The following ARHGEF1 variants were observed in gnomAD, a reference collection of about 807,000 sequenced individuals.
ARHGEF1 encodes 115 kDa guanine nucleotide exchange factor.
In ARHGEF1, 40 loss-of-function variants were observed where a neutral mutation model predicts 119.7. That is an observed-to-expected ratio of 0.33 (90% CI 0.26 to 0.44). ARHGEF1 has a LOEUF of 0.44. ARHGEF1 is among the 20% of genes least tolerant of loss of function. ARHGEF1 has a pLI of 1.00. For synonymous variants in ARHGEF1, 494 were observed against 521.0 expected, an observed-to-expected ratio of 0.95 and a Z score of 0.71; for missense variants, 976 against 1,268.3, an observed-to-expected ratio of 0.77 and a Z score of 3.50.
chr19:41,926,102 G>A (rs115026660), intron 1 of ARHGEF1, among the ~76,000 whole-genome samples: 3,503 of 152,114 alleles, frequency 0.023, 137 homozygotes, highest in African/African-American at 0.08. Flanking sequence ...GATGGCTCAC[G>A]TACAGGTAGG....
intron 1 of ARHGEF1, among the ~76,000 whole-genome samples, chr19:41,927,567 G>A (rs886261577): frequency 4.6e-4 from 69 of 151,638 alleles, no homozygotes; most frequent in Non-Finnish European, 8.8e-5. Flanking sequence ...TAGATCTTCC[G>A]CCCCAAGTGT....
At chr19:41,910,498 C>T (rs1189588154), downstream of ARHGEF1, among the ~76,000 whole-genome samples, 1 of 152,116 alleles carries the variant, frequency 6.6e-6, no homozygotes, top group Non-Finnish European at 1.5e-5. This position sits in a 1 kb window ranked among gnomAD's most constrained non-coding sequence, Gnocchi z 4.4. Context: ...GTCTCTTGTA[C>T]CCTGCGGTGC....
chr19:41,896,663 G>T (rs1555847717), intron 13 of ARHGEF1, 181 bp downstream of exon 13: 1 of 703,586 alleles, frequency 1.4e-6, no homozygotes, highest in East Asian at 2.7e-5. Flanking sequence ...TCTCCCTCCT[G>T]CTTCCTCATT....
chr19:41,887,403 C>T (rs1197576105), intron 1 of ARHGEF1, among the ~76,000 whole-genome samples: 2 of 152,118 alleles, frequency 1.3e-5, no homozygotes, highest in Non-Finnish European at 2.9e-5. Context: ...TCTGAGGCCC[C>T]ATCACTTGGT....
In ARHGEF1 at chr19:41,883,863, G is replaced by A. The variant is rs1254789786; in HGVS notation, c.-20+574G>A. On this transcript the variant is annotated intron_variant, in intron 1 of 28. Coordinates refer to ENST00000354532, the MANE Select transcript of ARHGEF1 (RefSeq NM_004706.4). The surrounding 1 kb of genome is among the most constrained non-coding windows in gnomAD (Gnocchi z 7.6). ...AGACAGGTGTAGGGAGAGAGCTGGA[G>A]GCCTTCTCCCATTGTACGGATGGGA... is the stretch of plus-strand genomic sequence containing the variant. 1.3e-5 allele frequency among the ~76,000 whole-genome samples: 2 copies of A among 152,052 alleles called. No homozygotes were observed. The highest frequency in any genetic ancestry group is 2.9e-5 in the Non-Finnish European group (2 of 67,992).
In ARHGEF1 at chr19:41,903,201, C is replaced by A; in HGVS notation, c.1739-106C>A. The A allele has an allele frequency of 9.9e-7, 1 of 1,009,378 alleles. No homozygotes were observed. Among genetic ancestry groups the A allele is most frequent in the African/African-American group, 1.6e-5 (1 of 62,678 alleles). The allele number at this position is 1,009,378 out of a possible 1,614,324, so 62.5% of individuals were successfully genotyped here. A position where few individuals can be genotyped will look rare whatever the true frequency, so the allele number is the denominator to read the frequency against. ...CCTCCCAAAGTGCTTGGATTACAGG[C>A]GTGAGCCACCATGCCCGGCCAGCTG... is the stretch of plus-strand genomic sequence containing the variant. On this transcript the variant is annotated intron_variant, in intron 18 of 28. Coordinates refer to ENST00000354532, the MANE Select transcript of ARHGEF1 (RefSeq NM_004706.4). The surrounding 1 kb of genome is among the most constrained non-coding windows in gnomAD (Gnocchi z 4.2).
At chr19:41,921,844 G>C (rs1019298851), upstream of ARHGEF1, among the ~76,000 whole-genome samples, 1 of 151,822 alleles carries the variant, frequency 6.6e-6, no homozygotes, top group African/African-American at 2.4e-5. The surrounding 1 kb of genome is among the most constrained non-coding windows in gnomAD (Gnocchi z 4.4). Flanking sequence ...TCCCCTGGGA[G>C]TCCGACCCAT....
At position 41,907,360 on chromosome 19, in the gene ARHGEF1, G is replaced by A. The variant is rs1188103054; in HGVS notation, c.*273G>A. On this transcript the variant is annotated 3_prime_UTR_variant, in exon 29 of 29. Transcript: ENST00000354532. ...GGGCCATCTCAGTATTGCCTGTGGG[G>A]GCCACCCCTCCACCCCCACCCCCAA... 8.5e-6 allele frequency: 13 copies of A among 1,534,288 alleles called. No individual in the cohort carries two copies. The highest frequency in any genetic ancestry group is 1.7e-4 in the Middle Eastern group (1 of 5,966).
At position 41,905,482 on chromosome 19, in the gene ARHGEF1, T is replaced by C. The variant is rs1327390051; in HGVS notation, c.2336+221T>C. 15 of 597,918 alleles carry C rather than the reference T, an allele frequency of 2.5e-5. No homozygotes were observed. The highest frequency in any genetic ancestry group is 1.5e-4 in the Admixed American group (5 of 33,362). 37.0% of individuals were successfully genotyped at this position (597,918 alleles called of 1,614,324 possible). ...CGTGTGCATGTGTGTGCGTGTATGG[T>C]GTGTGTGTATGCATATGTGTGCATG... On this transcript the variant is annotated intron_variant, in intron 24 of 28. Transcript: ENST00000354532. This position sits in a 1 kb window ranked among gnomAD's most constrained non-coding sequence, Gnocchi z 6.4.
chr19:41,892,978 G>A lies in ARHGEF1; in HGVS notation c.614+129G>A. 1 of 1,325,676 alleles carries A rather than the reference G, an allele frequency of 7.5e-7. No homozygotes were observed. The highest frequency in any genetic ancestry group is 1.0e-6 in the Non-Finnish European group (1 of 1,003,204). 82.1% of individuals were successfully genotyped at this position (1,325,676 alleles called of 1,614,324 possible). On this transcript the variant is annotated intron_variant, in intron 7 of 28. Coordinates refer to ENST00000354532, the MANE Select transcript of ARHGEF1 (RefSeq NM_004706.4). This position sits in a 1 kb window ranked among gnomAD's most constrained non-coding sequence, Gnocchi z 6.3. Reference sequence around the variant, plus strand: ...TCAGAGTTCATTTCTTGGCACTGGGGGTCTTCCTCTACCCTGGTGTTTTAA... The same window carrying A: ...TCAGAGTTCATTTCTTGGCACTGGGAGTCTTCCTCTACCCTGGTGTTTTAA...
At chr19:41,886,087 C>T (rs1312379372) in intron 1 of ARHGEF1, among the ~76,000 whole-genome samples, 6 of 152,136 alleles carry the variant, frequency 3.9e-5, no homozygotes, top group African/African-American at 1.4e-4. Context: ...AGCCCAACTG[C>T]CCAGGTCTGA....
chr19:41,913,271 G>A (rs1450237327), intron 18 of ARHGEF1, among the ~76,000 whole-genome samples: 1 of 52,000 alleles, frequency 1.9e-5, no homozygotes, highest in Non-Finnish European at 4.4e-5. Flanking sequence ...ACGCCCGCCC[G>A]CCCGCCCGCC....
At chr19:41,897,882 C>G (rs1555848209) in intron 13 of ARHGEF1, 2 of 1,274,824 alleles carry the variant, frequency 1.6e-6, no homozygotes, top group Non-Finnish European at 2.0e-6. Context: ...CTGTTCTTGT[C>G]TTGGTCTCTC....
At chr19:41,913,300 C>T (rs1434077216) in intron 18 of ARHGEF1, among the ~76,000 whole-genome samples, 2 of 149,698 alleles carry the variant, frequency 1.3e-5, no homozygotes, top group Non-Finnish European at 1.5e-5. Context: ...CCCGCACCGT[C>T]TCTGCTGCCG....
chr19:41,903,524 T>C lies in ARHGEF1; in HGVS notation c.1839+117T>C. On this transcript the variant is annotated intron_variant, in intron 19 of 28. Transcript: ENST00000354532. The surrounding 1 kb of genome is among the most constrained non-coding windows in gnomAD (Gnocchi z 4.2). ...CCCCTTGGCTTGTCTCCCTCAAGGGTCACTGTGTCCAGGGGTTGGCTTGGC... is the reference window on the plus strand; with the variant it reads ...CCCCTTGGCTTGTCTCCCTCAAGGGCCACTGTGTCCAGGGGTTGGCTTGGC... The C allele has an allele frequency of 1.1e-6, 1 of 912,352 alleles. No homozygotes were observed. Among genetic ancestry groups the C allele is most frequent in the Non-Finnish European group, 1.5e-6 (1 of 646,892 alleles). The allele number at this position is 912,352 out of a possible 1,614,324, so 56.5% of individuals were successfully genotyped here.
chr19:41,905,399 C>G lies in ARHGEF1; in HGVS notation c.2336+138C>G. 1.3e-6 allele frequency: 1 copy of G among 755,140 alleles called. No individual in the cohort carries two copies. The highest frequency in any genetic ancestry group is 1.8e-5 in the South Asian group (1 of 56,090). 46.8% of individuals were successfully genotyped at this position (755,140 alleles called of 1,614,324 possible). ...TGCATGTGTGTGCATACATGTGTGT[C>G]TGTACGCAAGTATGTGACTGTGCGT... On this transcript the variant is annotated intron_variant, in intron 24 of 28. Coordinates refer to ENST00000354532, the MANE Select transcript of ARHGEF1 (RefSeq NM_004706.4). This position sits in a 1 kb window ranked among gnomAD's most constrained non-coding sequence, Gnocchi z 6.4.
chr19:41,908,108 G>A (rs192948775), downstream of ARHGEF1: 281 of 730,868 alleles, frequency 3.8e-4, no homozygotes, highest in African/African-American at 4.7e-3. This position sits in a 1 kb window ranked among gnomAD's most constrained non-coding sequence, Gnocchi z 6.7. Context: ...GACTGGGGCA[G>A]CAATGTGCCC....
upstream of ARHGEF1, among the ~76,000 whole-genome samples, chr19:41,918,602 C>T (rs373404631): frequency 6.7e-6 from 1 of 148,636 alleles, no homozygotes; most frequent in African/African-American, 2.5e-5. Flanking sequence ...CTACCCATCA[C>T]AGACAAACCA....
At position 41,906,352 on chromosome 19, in the gene ARHGEF1, C is replaced by T; in HGVS notation, c.2492-105C>T. On this transcript the variant is annotated intron_variant, in intron 26 of 28. Transcript: ENST00000354532. The surrounding 1 kb of genome is among the most constrained non-coding windows in gnomAD (Gnocchi z 4.5). ...CCATCTGCTCAGCCTTGCCTGGCAC[C>T]CACCTTCACCTCCAGCCCCTACACA... is the stretch of plus-strand genomic sequence containing the variant. The T allele has an allele frequency of 8.3e-7, 1 of 1,201,476 alleles. No individual in the cohort carries two copies. The allele number at this position is 1,201,476 out of a possible 1,614,324, so 74.4% of individuals were successfully genotyped here. A position where few individuals can be genotyped will look rare whatever the true frequency, so the allele number is the denominator to read the frequency against.
Sources: allele counts gnomAD v4.1 joint callset (sites outside exome capture counted in the v4.1 genomes callset), GRCh38; gene constraint gnomAD v4.1.1; non-coding constraint Gnocchi (gnomAD v3.1); transcripts MANE v1.5; gene names NCBI Gene and HGNC (gene_info 2026-07-23, HGNC 2026-07-21).